Variants in POLR2F observed in about 807,000 individuals in gnomAD.
POLR2F encodes the protein RNA polymerase II, I and III subunit F.
Under a neutral mutation model 22.7 loss-of-function variants are expected in POLR2F, and 12 were observed. The ratio of observed to expected loss-of-function variants is 0.53; its 90% CI spans 0.34 to 0.86. POLR2F has a LOEUF of 0.86. Among genes scored for constraint, POLR2F ranks in the 40% least tolerant of loss-of-function variants. The pLI is 0.02. For synonymous variants in POLR2F, 57 were observed against 66.0 expected (o/e 0.86, Z 0.66); for missense variants, 126 against 171.5 (o/e 0.73, Z 1.48).
downstream of POLR2F, among the ~76,000 whole-genome samples, chr22:38,028,129 T>C (rs1354024382): frequency 6.6e-6 from 1 of 152,050 alleles, no homozygotes; most frequent in African/African-American, 2.4e-5. Flanking sequence ...CCTTTTGACA[T>C]CCCGCAGCTT....
chr22:38,030,417 T>C (rs2085053362), downstream of POLR2F, among the ~76,000 whole-genome samples: 1 of 151,904 alleles, frequency 6.6e-6, no homozygotes, highest in Non-Finnish European at 1.5e-5. Context: ...TCCAAGGTAA[T>C]ATCAACTGGC....
chr22:38,026,180 G>A, intron 2 of POLR2F: 1 of 532,890 alleles, frequency 1.9e-6, no homozygotes, highest in Non-Finnish European at 3.9e-6. Flanking sequence ...AGGAGGCTTG[G>A]TTGGTGCCTT....
In POLR2F at chr22:37,968,320, C is replaced by A; in HGVS notation, c.*605C>A. On this transcript the variant is annotated 3_prime_UTR_variant, in exon 5 of 5. Transcript: ENST00000442738. ...GGAGCAAGGACCGAGCACCTGCCTACCCCTGCCCCCATGGCTCTGTCCCCA... is the reference window on the plus strand; with the variant it reads ...GGAGCAAGGACCGAGCACCTGCCTAACCCTGCCCCCATGGCTCTGTCCCCA... 1.0e-6 allele frequency: 1 copy of A among 985,942 alleles called. No individual in the cohort carries two copies. Among genetic ancestry groups the A allele is most frequent in the South Asian group, 4.7e-5 (1 of 21,298 alleles). The allele number at this position is 985,942 out of a possible 1,614,324, so 61.1% of individuals were successfully genotyped here.
At chr22:37,954,912 G>A (rs1391241587) in intron 1 of POLR2F, among the ~76,000 whole-genome samples, 1 of 152,124 alleles carries the variant, frequency 6.6e-6, no homozygotes, top group Non-Finnish European at 1.5e-5. Context: ...ACACCAAGAG[G>A]GTGAGGTGTC....
rs756820141 is a variant in POLR2F at position 37,997,683 on chromosome 22, G to A, written c.120+11371G>A. On this transcript the variant is annotated intron_variant, in intron 1 of 2. Transcript: ENST00000333418. This position sits in a 1 kb window ranked among gnomAD's most constrained non-coding sequence, Gnocchi z 4.4. ...GGACACCCGGCTCTGTCCCCTGCAT[G>A]CCCTGGGTCACCCTGCCCCTCCCTC... Among the ~76,000 whole-genome samples the A allele has an allele frequency of 3.9e-5, 6 of 152,058 alleles. No individual in the cohort carries two copies. The highest frequency in any genetic ancestry group is 7.2e-5 in the African/African-American group (3 of 41,402).
chr22:37,974,304 T>A, downstream of POLR2F: 1 of 816,154 alleles, frequency 1.2e-6, no homozygotes, highest in Non-Finnish European at 2.0e-6. This position sits in a 1 kb window ranked among gnomAD's most constrained non-coding sequence, Gnocchi z 5.4. Flanking sequence ...CGGGTGCCTC[T>A]GGGAAAACCT....
chr22:38,036,699 C>T (rs1275340513), intron 5 of POLR2F, among the ~76,000 whole-genome samples: 2 of 151,776 alleles, frequency 1.3e-5, no homozygotes, highest in Non-Finnish European at 2.9e-5. Context: ...AGTCCTGTTG[C>T]GATGGAGTTC....
At chr22:38,001,143 G>T (rs939990908) in intron 1 of POLR2F, among the ~76,000 whole-genome samples, 1 of 152,190 alleles carries the variant, frequency 6.6e-6, no homozygotes, top group Non-Finnish European at 1.5e-5. Flanking sequence ...TCTTTGCCCT[G>T]TGGCCTCTTA....
chr22:38,003,249 CAG>C (rs1261948774), intron 1 of POLR2F, among the ~76,000 whole-genome samples: 1 of 152,016 alleles, frequency 6.6e-6, no homozygotes, highest in African/African-American at 2.4e-5. Context: ...ATGAGCGAGA[CAG>C]AGTCTTGCTC....
At chr22:38,026,928 C>G (rs896232013), downstream of POLR2F, among the ~76,000 whole-genome samples, 19 of 152,228 alleles carry the variant, frequency 1.2e-4, no homozygotes, top group Non-Finnish European at 2.4e-4. Context: ...CCCAGCTCCC[C>G]CTCCCAGCTG....
intron 2 of POLR2F, 177 bp downstream of exon 2, chr22:37,957,019 G>T: frequency 1.6e-6 from 1 of 631,618 alleles, no homozygotes; most frequent in Non-Finnish European, 2.9e-6. Context: ...CTGCAGGGTG[G>T]GCCTGAAAGC....
intron 1 of POLR2F, among the ~76,000 whole-genome samples, chr22:38,014,248 ATTATG>A (rs2145813072): frequency 6.6e-6 from 1 of 151,952 alleles, no homozygotes; most frequent in East Asian, 1.9e-4. Flanking sequence ...TATATAGATG[ATTATG>A]TTGTTTGTGA....
At position 37,967,299 on chromosome 22, in the gene POLR2F, A is replaced by T. The variant is rs755468247; in HGVS notation, c.293+129A>T. ...TGCTTATTCCTACAGATCCTTAGGA[A>T]CAGCTCACCAGGAAGTAGGAGGAAG... On this transcript the variant is annotated intron_variant, in intron 4 of 4. Coordinates refer to ENST00000442738, the MANE Select transcript of POLR2F (RefSeq NM_021974.5). 1.1e-5 allele frequency: 17 copies of T among 1,529,996 alleles called. No individual in the cohort carries two copies. In the South Asian group the frequency reaches 2.0e-4, roughly 18 times the overall value. 94.8% of individuals were successfully genotyped at this position (1,529,996 alleles called of 1,614,324 possible). A position where few individuals can be genotyped will look rare whatever the true frequency, so the allele number is the denominator to read the frequency against.
intron 5 of POLR2F, among the ~76,000 whole-genome samples, chr22:38,035,506 G>C (rs1458436745): frequency 6.6e-6 from 1 of 152,190 alleles, no homozygotes; most frequent in Non-Finnish European, 1.5e-5. Context: ...TTTCTTTTCT[G>C]TTCATTTGCA....
intron 5 of POLR2F, among the ~76,000 whole-genome samples, chr22:38,037,046 T>A (rs2085122967): frequency 6.6e-6 from 1 of 152,196 alleles, no homozygotes; most frequent in Admixed American, 6.5e-5. Flanking sequence ...ATTCTGGAAC[T>A]CATGGCTGCC....
At chr22:37,979,977 G>A (rs1014439241) in intron 4 of POLR2F, among the ~76,000 whole-genome samples, 2 of 152,058 alleles carry the variant, frequency 1.3e-5, no homozygotes, top group African/African-American at 2.4e-5. Context: ...CAGGCTGGGC[G>A]GGGGTGGTCA....
chr22:37,965,041 C>T (rs1569164312), intron 3 of POLR2F, among the ~76,000 whole-genome samples: 1 of 152,156 alleles, frequency 6.6e-6, no homozygotes, highest in African/African-American at 2.4e-5. Flanking sequence ...GAGTCTCACT[C>T]TGTCACCTAG....
chr22:38,015,053 G>A (rs1348454930), intron 1 of POLR2F, among the ~76,000 whole-genome samples: 3 of 152,010 alleles, frequency 2.0e-5, no homozygotes, highest in Admixed American at 6.6e-5. Context: ...AGATCCACCC[G>A]CCTCAGCCTC....
chr22:37,956,779 T>C lies in POLR2F; in HGVS notation c.27T>C (p.Asp9=). ...ATCTCTTCTTCCTGTACAGTTTTGA[T>C]GGCGACGACTTTGATGATGTGGAGG... MSDNEDNF[D]GDDFDDVEED... The change falls in exon 2 of 5, where the codon GAT becomes GAC. Residue 9 remains aspartate (D), a synonymous_variant. Coordinates refer to ENST00000442738, the MANE Select transcript of POLR2F (RefSeq NM_021974.5). 1.2e-6 allele frequency: 2 copies of C among 1,613,716 alleles called. No individual in the cohort carries two copies. The highest frequency in any genetic ancestry group is 1.7e-6 in the Non-Finnish European group (2 of 1,179,596).
Sources: allele counts gnomAD v4.1 joint callset (sites outside exome capture counted in the v4.1 genomes callset), GRCh38; gene constraint gnomAD v4.1.1; non-coding constraint Gnocchi (gnomAD v3.1); transcripts MANE v1.5; gene names NCBI Gene and HGNC (gene_info 2026-07-23, HGNC 2026-07-21).